The following CHRDL2 variants were observed in gnomAD, a reference collection of about 807,000 sequenced individuals.
CHRDL2 encodes the protein chordin like 2.
A neutral mutation model predicts 54.3 loss-of-function variants in CHRDL2; 41 were observed. The observed-to-expected ratio is 0.76, with a 90% confidence interval of 0.59 to 0.98. CHRDL2 has a LOEUF of 0.98. Among genes scored for constraint, CHRDL2 ranks in the 50% least tolerant of loss-of-function variants. The probability of loss-of-function intolerance (pLI) is 0.00; values close to 1 mark genes in which losing one functional copy is unlikely to be tolerated. For synonymous variants in CHRDL2, 220 were observed against 224.3 expected (o/e 0.98, Z 0.17); for missense variants, 518 against 562.4 (o/e 0.92, Z 0.80).
At chr11:74,714,368 C>G (rs1050923263) in intron 2 of CHRDL2, among the ~76,000 whole-genome samples, 1 of 152,180 alleles carries the variant, frequency 6.6e-6, no homozygotes, top group Non-Finnish European at 1.5e-5. Flanking sequence ...GTTGATGGTC[C>G]TCTCCTAGAT....
At chr11:74,709,722 A>G (rs1350320488) in intron 4 of CHRDL2, among the ~76,000 whole-genome samples, 2 of 152,234 alleles carry the variant, frequency 1.3e-5, no homozygotes, top group African/African-American at 4.8e-5. Flanking sequence ...TTGAGGTCAC[A>G]CAGGGAACTG....
chr11:74,727,673 G>T (rs2034592815), intron 1 of CHRDL2, among the ~76,000 whole-genome samples: 1 of 152,096 alleles, frequency 6.6e-6, no homozygotes, highest in African/African-American at 2.4e-5. Flanking sequence ...TCAAAGTGCT[G>T]AGATTACAGG....
Position 74,730,969 on chromosome 11 carries a change from C to A in CHRDL2, c.-81G>T. On this transcript the variant is annotated 5_prime_UTR_variant, in exon 1 of 11. Coordinates refer to ENST00000376332, the MANE Select transcript of CHRDL2 (RefSeq NM_001278473.3). ...GAAAAGGACACGGAGGCACAGGGGC[C>A]ACAGATCAACCCACAGACCCCAGGA... The A allele has an allele frequency of 8.4e-7, 1 of 1,186,592 alleles. No homozygotes were observed. Among genetic ancestry groups the A allele is most frequent in the Non-Finnish European group, 1.2e-6 (1 of 831,238 alleles). 73.5% of individuals were successfully genotyped at this position (1,186,592 alleles called of 1,614,324 possible). A position where few individuals can be genotyped will look rare whatever the true frequency, so the allele number is the denominator to read the frequency against.
intron 2 of CHRDL2, among the ~76,000 whole-genome samples, chr11:74,717,992 T>C (rs2034408273): frequency 6.6e-6 from 1 of 152,190 alleles, no homozygotes; most frequent in South Asian, 2.1e-4. Flanking sequence ...TTCTACCCAG[T>C]TGATTTTACA....
At chr11:74,729,709 C>T (rs760814612) in intron 1 of CHRDL2, among the ~76,000 whole-genome samples, 1 of 152,176 alleles carries the variant, frequency 6.6e-6, no homozygotes, top group Admixed American at 6.5e-5. Context: ...GAGTTGGGAA[C>T]GCAGGGTCTT....
intron 9 of CHRDL2, chr11:74,700,776 G>A (rs1045714359): frequency 1.3e-5 from 2 of 151,926 alleles, no homozygotes; most frequent in Admixed American, 6.6e-5. Flanking sequence ...GGGATTACAG[G>A]CGCCCACCAC....
At chr11:74,728,437 A>C (rs2034602903) in intron 1 of CHRDL2, among the ~76,000 whole-genome samples, 1 of 152,224 alleles carries the variant, frequency 6.6e-6, no homozygotes, top group South Asian at 2.1e-4. Context: ...AGCACCAAAC[A>C]AAATGAGGCT....
At chr11:74,723,377 G>A (rs1202916981) in intron 1 of CHRDL2, among the ~76,000 whole-genome samples, 5 of 152,158 alleles carry the variant, frequency 3.3e-5, no homozygotes, top group Admixed American at 6.5e-5. Flanking sequence ...CCCAGTGGAT[G>A]CCTGAAACCA....
At chr11:74,719,053 C>A in intron 1 of CHRDL2, 1 of 541,724 alleles carries the variant, frequency 1.8e-6, no homozygotes, top group Non-Finnish European at 3.3e-6. Flanking sequence ...CTGGGCATGC[C>A]ACTGTCTCTG....
At chr11:74,700,583 T>C (rs975786033) in intron 9 of CHRDL2, among the ~76,000 whole-genome samples, 2 of 151,932 alleles carry the variant, frequency 1.3e-5, no homozygotes, top group South Asian at 4.2e-4. Flanking sequence ...AGAGTAAACA[T>C]GTGGCCAAAA....
chr11:74,727,362 G>T (rs1364731488), intron 1 of CHRDL2, among the ~76,000 whole-genome samples: 1 of 152,088 alleles, frequency 6.6e-6, no homozygotes, highest in Non-Finnish European at 1.5e-5. Context: ...GGGAACGAAA[G>T]CTTCGATTCC....
At chr11:74,727,332 G>C (rs2034587904) in intron 1 of CHRDL2, among the ~76,000 whole-genome samples, 2 of 152,122 alleles carry the variant, frequency 1.3e-5, no homozygotes, top group South Asian at 4.1e-4. Flanking sequence ...CCTGCGTCTA[G>C]GGTCCGGAAT....
intron 2 of CHRDL2, among the ~76,000 whole-genome samples, chr11:74,714,154 T>G (rs2034278469): frequency 1.3e-5 from 2 of 152,088 alleles, no homozygotes; most frequent in African/African-American, 4.8e-5. Context: ...CCAGGCAGTT[T>G]TTTTTTTGGC....
At chr11:74,719,381 T>TACACACACACACACAC (rs5792667) in intron 1 of CHRDL2, 1 of 76,448 alleles carries the variant, frequency 1.3e-5, no homozygotes, top group Non-Finnish European at 2.4e-5. Flanking sequence ...CCCTCCCCTG[T>TACACACACACACACAC]ACACACACAC....
At chr11:74,716,655 GT>G (rs1289903106) in intron 2 of CHRDL2, among the ~76,000 whole-genome samples, 190 of 147,388 alleles carry the variant, frequency 1.3e-3, no homozygotes, top group African/African-American at 4.0e-3. Context: ...GCTATTAGAG[GT>G]TTTTTTTTTT....
At chr11:74,730,727 GGGTCCA>G in intron 1 of CHRDL2, 74 bp downstream of exon 1, 1 of 1,333,522 alleles carries the variant, frequency 7.5e-7, no homozygotes, top group African/African-American at 1.4e-5. Context: ...GAAGAGCTTG[GGGTCCA>G]GGTCCTGGCG....
intron 2 of CHRDL2, among the ~76,000 whole-genome samples, chr11:74,716,499 C>A (rs1218691450): frequency 7.0e-6 from 1 of 141,846 alleles, no homozygotes; most frequent in African/African-American, 2.7e-5. Flanking sequence ...TGCACCGCTG[C>A]ACTCCAGCCT....
At position 74,730,995 on chromosome 11, in the gene CHRDL2, G is replaced by A. The variant is rs2034644950; in HGVS notation, c.-107C>T. 2.2e-6 allele frequency: 2 copies of A among 890,352 alleles called. No individual in the cohort carries two copies. Among genetic ancestry groups the A allele is most frequent in the Admixed American group, 2.5e-5 (1 of 40,426 alleles). 55.2% of individuals were successfully genotyped at this position (890,352 alleles called of 1,614,324 possible). On this transcript the variant is annotated 5_prime_UTR_variant, in exon 1 of 11. Transcript: ENST00000376332. ...ACAGATCAACCCACAGACCCCAGGA[G>A]GTCTGCTGCTAGAGCGGGGTCGGAG...
chr11:74,707,544 G>C (rs933409832), intron 5 of CHRDL2, among the ~76,000 whole-genome samples: 2 of 152,164 alleles, frequency 1.3e-5, no homozygotes, highest in Non-Finnish European at 2.9e-5. Context: ...CTGAGCCCTG[G>C]TGAGCCCAAT....
Sources: gnomAD v4.1 joint callset for allele counts (sites outside exome capture counted in the v4.1 genomes callset) on GRCh38, gnomAD v4.1.1 for gene constraint, MANE v1.5 for transcripts, NCBI Gene and HGNC (gene_info 2026-07-23, HGNC 2026-07-21) for gene names.